The following THOC5 variants were observed in gnomAD, a reference collection of about 807,000 sequenced individuals.
THOC5 encodes THO complex subunit 5.
In THOC5, 43 loss-of-function variants were observed where a neutral mutation model predicts 92.9. The observed-to-expected ratio is 0.46, with a 90% CI of 0.36 to 0.60. THOC5 has a LOEUF of 0.60. THOC5 is among the 20% of genes least tolerant of loss of function. The pLI is 0.00. For missense variants in THOC5, 659 were observed against 849.4 expected, an observed-to-expected ratio of 0.78 and a Z score of 2.79; for synonymous variants, 296 against 320.1, an observed-to-expected ratio of 0.92 and a Z score of 0.80.
intron 9 of THOC5, among the ~76,000 whole-genome samples, chr22:29,528,721 C>T (rs2063593470): frequency 6.6e-6 from 1 of 152,122 alleles, no homozygotes; most frequent in African/African-American, 2.4e-5. Flanking sequence ...ACACAAGCCC[C>T]TCCTTGTGAT....
chr22:29,553,101 C>A (rs555784214), intron 1 of THOC5, among the ~76,000 whole-genome samples: 247 of 152,256 alleles, frequency 1.6e-3, no homozygotes, highest in East Asian at 2.7e-3. Context: ...ACAAACACTG[C>A]GGAAGGCTGC....
intron 17 of THOC5, among the ~76,000 whole-genome samples, chr22:29,516,183 T>G (rs1160211730): frequency 6.9e-6 from 1 of 145,566 alleles, no homozygotes; most frequent in African/African-American, 2.5e-5. Flanking sequence ...GGGGAAAGGA[T>G]GGAAAGCAAA....
intron 12 of THOC5, among the ~76,000 whole-genome samples, chr22:29,525,302 C>T (rs1353289865): frequency 6.6e-6 from 1 of 151,994 alleles, no homozygotes; most frequent in Admixed American, 6.6e-5. Flanking sequence ...AAAAAAAGAA[C>T]ACTGTAGTCA....
In THOC5 at chr22:29,536,634, C is replaced by T; in HGVS notation, c.704G>A (p.Ser235Asn). Reference protein sequence around the residue: ...YLSSLQPRLNSIMQASLPVQE... With the variant: ...YLSSLQPRLNNIMQASLPVQE... ...GCCAGAGGGCCCCACCTGCATGATG[C>T]TGTTGAGGCGGGGCTGGAGGCTGCT... The change falls in exon 7 of 20, where the codon AGC becomes AAC. Residue 235 changes from serine (S) to asparagine (N), a missense_variant. Coordinates refer to ENST00000490103, the MANE Select transcript of THOC5 (RefSeq NM_003678.5). 2 of 1,604,790 alleles carry T rather than the reference C, an allele frequency of 1.2e-6. No individual in the cohort carries two copies. Among genetic ancestry groups the T allele is most frequent in the Non-Finnish European group, 1.7e-6 (2 of 1,171,468 alleles).
chr22:29,543,550 C>G lies in THOC5; in HGVS notation c.241-8G>C. The G allele has an allele frequency of 6.2e-7, 1 of 1,605,336 alleles. No individual in the cohort carries two copies. Among genetic ancestry groups the G allele is most frequent in the East Asian group, 2.2e-5 (1 of 44,802 alleles). On this transcript the variant is annotated splice_region_variant and splice_polypyrimidine_tract_variant and intron_variant, in intron 3 of 19. Transcript: ENST00000490103. ...TTCTTCTATTTCTATTGCCTGTGGG[C>G]AAAGAAAACAGTAAAGCCCACTGAC... is the stretch of plus-strand genomic sequence containing the variant.
chr22:29,527,806 G>C (rs780669011), intron 11 of THOC5, among the ~76,000 whole-genome samples: 1 of 152,138 alleles, frequency 6.6e-6, no homozygotes, highest in East Asian at 1.9e-4. Flanking sequence ...TTTGCAACTT[G>C]TTCTAGATAT....
intron 2 of THOC5, among the ~76,000 whole-genome samples, chr22:29,546,877 G>A (rs1306487111): frequency 6.9e-6 from 1 of 144,766 alleles, no homozygotes; most frequent in African/African-American, 2.6e-5. Context: ...TCTTGCTCTT[G>A]TTGCTCAGGC....
intron 14 of THOC5, 66 bp from the exon 15 acceptor site, chr22:29,519,186 T>G: frequency 9.1e-7 from 1 of 1,098,480 alleles, no homozygotes. Flanking sequence ...ACCATCTCTC[T>G]CCTGGGACCT....
At chr22:29,553,109 T>G (rs200205210) in intron 1 of THOC5, among the ~76,000 whole-genome samples, 137 of 152,278 alleles carry the variant, frequency 9.0e-4, no homozygotes, top group African/African-American at 3.3e-3. Flanking sequence ...TGCGGAAGGC[T>G]GCAGGGTCCT....
At position 29,541,875 on chromosome 22, in the gene THOC5, A is replaced by AT. The variant is rs1243942977; in HGVS notation, c.452+983_452+984insA. Among the ~76,000 whole-genome samples the AT allele has an allele frequency of 6.1e-3, 409 of 66,516 alleles. 10 individuals are homozygous for AT. Among genetic ancestry groups the AT allele is most frequent in the South Asian group, 0.015 (29 of 1,876 alleles). 43.6% of individuals were successfully genotyped at this position (66,516 alleles called of 152,430 possible). A position where few individuals can be genotyped will look rare whatever the true frequency, so the allele number is the denominator to read the frequency against. On this transcript the variant is annotated intron_variant, in intron 5 of 19. Coordinates refer to ENST00000490103, the MANE Select transcript of THOC5 (RefSeq NM_003678.5). ...GACTCCATCTCCAAAAAAAAAAAAA[A>AT]AAAAAAAAAAAAAAAAAAATATATA...
chr22:29,519,634 CT>C (rs34656123), intron 14 of THOC5, among the ~76,000 whole-genome samples: 180 of 140,766 alleles, frequency 1.3e-3, no homozygotes, highest in Admixed American at 1.4e-3. Flanking sequence ...CATGACAGGC[CT>C]TTTTTTTTTT....
Position 29,531,874 on chromosome 22 carries a change from G to C in THOC5, c.804C>G (p.Leu268=). ...CAGTGGCCTGAACAAAGAGGACATA[G>C]AGGGGAGGCGGCAGGTGTCTGGCTG... ...YETARHLPPP[L]YVLFVQATAY... The change falls in exon 8 of 20, where the codon CTC becomes CTG. Residue 268 remains leucine, a synonymous_variant. Transcript: ENST00000490103. 6.2e-7 allele frequency: 1 copy of C among 1,614,214 alleles called. No individual in the cohort carries two copies. The highest frequency in any genetic ancestry group is 2.2e-5 in the East Asian group (1 of 44,882).
rs544654659 is a variant in THOC5, at chr22:29,540,140, C to T, written c.453-664G>A. ...ACTAAAAATTAGCTGGGCGTGGTGA[C>T]GCATGCCTGTAATCCCAGCTACTTA... On this transcript the variant is annotated intron_variant, in intron 5 of 19. Coordinates refer to ENST00000490103, the MANE Select transcript of THOC5 (RefSeq NM_003678.5). 1.9e-4 allele frequency among the ~76,000 whole-genome samples: 29 copies of T among 152,238 alleles called. No homozygotes were observed. The South Asian group carries it at 3.3e-3, about 17-fold the overall frequency.
intron 1 of THOC5, among the ~76,000 whole-genome samples, chr22:29,549,474 C>G (rs1267583245): frequency 6.6e-6 from 1 of 152,174 alleles, no homozygotes; most frequent in Non-Finnish European, 1.5e-5. Flanking sequence ...CAAGTGTTCA[C>G]CCAGCTATCC....
chr22:29,515,110 C>T (rs898662770), intron 17 of THOC5, among the ~76,000 whole-genome samples: 8 of 151,996 alleles, frequency 5.3e-5, no homozygotes, highest in Non-Finnish European at 1.0e-4. Context: ...GGCATGATCT[C>T]GGCTCATTGT....
intron 15 of THOC5, among the ~76,000 whole-genome samples, chr22:29,518,394 GACA>G (rs1647626072): frequency 6.6e-6 from 1 of 152,144 alleles, no homozygotes; most frequent in African/African-American, 2.4e-5. Flanking sequence ...GTAAGCATTT[GACA>G]ACCACTTACT....
At chr22:29,546,692 G>A (rs938574133) in intron 2 of THOC5, among the ~76,000 whole-genome samples, 5 of 151,988 alleles carry the variant, frequency 3.3e-5, no homozygotes, top group East Asian at 1.9e-4. Context: ...CACCCAGCTC[G>A]GCCTCCCAAA....
At chr22:29,531,696 G>C in intron 8 of THOC5, 135 bp downstream of exon 8, 1 of 1,477,562 alleles carries the variant, frequency 6.8e-7, no homozygotes, top group Non-Finnish European at 9.0e-7. Flanking sequence ...AATGCAGAGG[G>C]AAGAAAGCTT....
At chr22:29,528,306 C>G in intron 10 of THOC5, 120 bp downstream of exon 10, 1 of 1,613,958 alleles carries the variant, frequency 6.2e-7, no homozygotes, top group Non-Finnish European at 8.5e-7. Context: ...TGTCAGACTC[C>G]CCTCCCAGCA....
Sources: gnomAD v4.1 joint callset for allele counts (sites outside exome capture counted in the v4.1 genomes callset) on GRCh38, gnomAD v4.1.1 for gene constraint, MANE v1.5 for transcripts, NCBI Gene and HGNC (gene_info 2026-07-23, HGNC 2026-07-21) for gene names.